Variants in MUC17 observed in about 807,000 individuals in gnomAD.
MUC17 encodes mucin-17.
MUC17 carries 190 observed loss-of-function variants against 170.3 expected under a neutral mutation model. That is an observed-to-expected ratio of 1.12 (90% confidence interval 0.99 to 1.26). The LOEUF (loss-of-function observed/expected upper bound fraction) is 1.26. Ranked by LOEUF, MUC17 falls within the 50% of genes most tolerant of loss-of-function variation. The probability of loss-of-function intolerance (pLI) is 0.00; values close to 1 mark genes in which losing one functional copy is unlikely to be tolerated. For missense variants in MUC17, 6,415 were observed against 5,530.0 expected, an observed-to-expected ratio of 1.16 and a Z score of -5.08; for synonymous variants, 2,325 against 2,002.5, an observed-to-expected ratio of 1.16 and a Z score of -4.30.
In MUC17 at chr7:101,041,846, C is replaced by T; in HGVS notation, c.10430C>T (p.Thr3477Ile). The T allele has an allele frequency of 6.2e-7, 1 of 1,614,060 alleles. No homozygotes were observed. The highest frequency in any genetic ancestry group is 8.5e-7 in the Non-Finnish European group (1 of 1,179,974). The change falls in exon 3 of 13, where the codon ACC becomes ATC. Residue 3477 changes from threonine (T) to isoleucine (I), a missense_variant. Coordinates refer to ENST00000306151, the MANE Select transcript of MUC17 (RefSeq NM_001040105.2). ...CCGGTGGCCAGTTCTGAGGCTAGCA[C>T]CCTTTCAACAACTCCTGTTGACACC... ...TTPVASSEASTLSTTPVDTST... is the reference protein window; with the variant it reads ...TTPVASSEASILSTTPVDTST...
Position 101,045,578 on chromosome 7 carries a change from A to G in MUC17, c.12403+1759A>G, listed in dbSNP as rs551338528. ...CAGCTAATTTTTGTATTTTTAGTAG[A>G]GACAGGGTTTCACCATGTTGGCCAG... On this transcript the variant is annotated intron_variant, in intron 3 of 12. Coordinates refer to ENST00000306151, the MANE Select transcript of MUC17 (RefSeq NM_001040105.2). Among the ~76,000 whole-genome samples the G allele has an allele frequency of 3.3e-5, 5 of 152,124 alleles. No homozygotes were observed. The East Asian group carries it at 7.7e-4, about 23-fold the overall frequency.
At position 101,036,154 on chromosome 7, in the gene MUC17, G is replaced by C; in HGVS notation, c.4738G>C (p.Val1580Leu). Reference sequence around the variant, plus strand: ...AAGCACTCCACTAACAAGTTTGCCTGTCAGCACCATGCTGGTGGTCAGTTC... The same window carrying C: ...AAGCACTCCACTAACAAGTTTGCCTCTCAGCACCATGCTGGTGGTCAGTTC... ...EGSTPLTSLP[V>L]STMLVVSSEA... is the part of the protein sequence containing the mutation. The change falls in exon 3 of 13, where the codon GTC becomes CTC. Residue 1580 changes from valine to leucine, a missense_variant. Val to Leu is a conservative substitution (Grantham distance 32). Transcript: ENST00000306151. 1 of 1,613,990 alleles carries C rather than the reference G, an allele frequency of 6.2e-7. No individual in the cohort carries two copies. Among genetic ancestry groups the C allele is most frequent in the East Asian group, 2.2e-5 (1 of 44,862 alleles).
At chr7:101,046,049 G>A (rs533270523) in intron 3 of MUC17, among the ~76,000 whole-genome samples, 8 of 152,320 alleles carry the variant, frequency 5.3e-5, no homozygotes, top group African/African-American at 1.2e-4. Context: ...AGGTCTGGAC[G>A]TCTTCAGTAG....
At chr7:101,025,365 G>GAAAA (rs796440861) in intron 1 of MUC17, among the ~76,000 whole-genome samples, 1 of 121,852 alleles carries the variant, frequency 8.2e-6, no homozygotes, top group Non-Finnish European at 1.8e-5. Context: ...TCCGTCTTAA[G>GAAAA]AAAAAAAAAA....
chr7:101,052,856 C>G (rs1204136566), intron 9 of MUC17, 130 bp from the exon 10 acceptor site: 2 of 1,126,144 alleles, frequency 1.8e-6, no homozygotes, highest in South Asian at 3.2e-5. Context: ...CTCGGGGTGC[C>G]TTGCTTTATG....
At position 101,041,768 on chromosome 7, in the gene MUC17, C is replaced by G. The variant is rs200148376; in HGVS notation, c.10352C>G (p.Ser3451Ter). 6.2e-6 allele frequency: 10 copies of G among 1,613,928 alleles called. No homozygotes were observed. The highest frequency in any genetic ancestry group is 3.3e-4 in the Middle Eastern group (2 of 6,062). ...TIAEGTSLPTSTTSEGSTPLS... is the reference protein window; with the variant it reads ...TIAEGTSLPT ...GCTGAAGGTACCAGCTTGCCAACCT[C>G]AACTACTAGTGAAGGAAGCACTCCA... is the stretch of plus-strand genomic sequence containing the variant. The change falls in exon 3 of 13, where the codon TCA becomes TGA. Residue 3451 changes from serine (S) to a stop codon, truncating the protein, a stop_gained. Coordinates refer to ENST00000306151, the MANE Select transcript of MUC17 (RefSeq NM_001040105.2). LOFTEE classifies it high-confidence loss of function.
chr7:101,040,583 C>A lies in MUC17; in HGVS notation c.9167C>A (p.Thr3056Lys). The change falls in exon 3 of 13, where the codon ACG becomes AAG. Residue 3056 changes from threonine (T) to lysine (K), a missense_variant. Thr to Lys is a moderately conservative substitution (Grantham distance 78). Coordinates refer to ENST00000306151, the MANE Select transcript of MUC17 (RefSeq NM_001040105.2). ...TPLTSIPVST[T>K]PVAIPEASTL... ...TTAACAAGTATACCTGTCAGCACCA[C>A]GCCAGTGGCCATTCCTGAGGCTAGC... 1 of 1,609,192 alleles carries A rather than the reference C, an allele frequency of 6.2e-7. No homozygotes were observed.
At chr7:101,048,244 T>A in intron 4 of MUC17, 129 bp downstream of exon 4, 1 of 816,100 alleles carries the variant, frequency 1.2e-6, no homozygotes, top group South Asian at 3.4e-5. Context: ...TGTTTTTTGT[T>A]TTGTTTTGTT....
At position 101,032,730 on chromosome 7, in the gene MUC17, A is replaced by C; in HGVS notation, c.1314A>C (p.Glu438Asp). The change falls in exon 3 of 13, where the codon GAA becomes GAC. Residue 438 changes from glutamate (E) to aspartate (D), a missense_variant. By Grantham distance (45) the Glu-to-Asp change is conservative. Coordinates refer to ENST00000306151, the MANE Select transcript of MUC17 (RefSeq NM_001040105.2). Reference protein sequence around the residue: ...SEASSSPTTAEDTSIATSTPS... With the variant: ...SEASSSPTTADDTSIATSTPS... ...CCAGCTCATCTCCCACAACTGCTGA[A>C]GATACCAGCATTGCAACCTCAACTC... 1.6e-5 allele frequency: 26 copies of C among 1,578,732 alleles called. No individual in the cohort carries two copies. The highest frequency in any genetic ancestry group is 2.2e-5 in the Non-Finnish European group (26 of 1,155,596).
chr7:101,040,853 C>A lies in MUC17; in HGVS notation c.9437C>A (p.Pro3146His). 2 of 1,613,438 alleles carry A rather than the reference C, an allele frequency of 1.2e-6. No homozygotes were observed. Among genetic ancestry groups the A allele is most frequent in the Non-Finnish European group, 1.7e-6 (2 of 1,179,798 alleles). ...VTTSTEAHSS[P>H]TTSEGTSMPT... ...ACTTCTACTGAAGCCCATTCATCTC[C>A]TACAACTTCTGAAGGTACCAGCATG... Residue 3146 changes from proline to histidine, a missense_variant, in exon 3 of 13, where the codon CCT becomes CAT. By Grantham distance (77) the Pro-to-His change is moderately conservative (BLOSUM62 -2). Transcript: ENST00000306151.
chr7:101,036,639 C>T lies in MUC17; in HGVS notation c.5223C>T (p.Asn1741=), dbSNP rs138467948. ...CTTCTGAAGGTACCAGCATGCCAAA[C>T]TCAACTCCTAGTGAAGGAACCACTC... ...PTTSEGTSMP[N]STPSEGTTPL... Residue 1741 remains asparagine, a synonymous_variant, in exon 3 of 13, where the codon AAC becomes AAT. Coordinates refer to ENST00000306151, the MANE Select transcript of MUC17 (RefSeq NM_001040105.2). 2.2e-5 allele frequency: 35 copies of T among 1,613,208 alleles called. No homozygotes were observed. The African/African-American group carries it at 3.2e-4, about 15-fold the overall frequency.
Position 101,058,134 on chromosome 7 carries a change from C to A in MUC17, c.*90C>A, listed in dbSNP as rs528041558. ...TCCCATTGAGAGCCTTCCATGGGAA[C>A]TCAATGTTCCCATTGTAAGTACAGG... On this transcript the variant is annotated 3_prime_UTR_variant, in exon 13 of 13. Transcript: ENST00000306151. 9.5e-6 allele frequency: 11 copies of A among 1,158,254 alleles called. No individual in the cohort carries two copies. The highest frequency in any genetic ancestry group is 9.1e-5 in the African/African-American group (6 of 65,616). 71.7% of individuals were successfully genotyped at this position (1,158,254 alleles called of 1,614,324 possible).
intron 1 of MUC17, among the ~76,000 whole-genome samples, chr7:101,021,685 T>C (rs968858239): frequency 6.6e-6 from 1 of 152,180 alleles, no homozygotes; most frequent in Non-Finnish European, 1.5e-5. Context: ...TCAGACCCTG[T>C]TCCTACTCTC....
At chr7:101,046,247 C>A (rs980221280) in intron 3 of MUC17, among the ~76,000 whole-genome samples, 1 of 152,090 alleles carries the variant, frequency 6.6e-6, no homozygotes, top group Non-Finnish European at 1.5e-5. Flanking sequence ...TAGGGTAAAC[C>A]GGAAGGCAGA....
chr7:101,028,364 C>T (rs1475828403), intron 1 of MUC17, among the ~76,000 whole-genome samples: 4 of 151,978 alleles, frequency 2.6e-5, no homozygotes, highest in Non-Finnish European at 4.4e-5. Context: ...GCTGGGATTA[C>T]AGGCATAAGC....
In MUC17 at chr7:101,039,391, G is replaced by A. The variant is rs754855880; in HGVS notation, c.7975G>A (p.Asp2659Asn). The change falls in exon 3 of 13, where the codon GAC becomes AAC. Residue 2659 changes from aspartate (D) to asparagine (N), a missense_variant. Coordinates refer to ENST00000306151, the MANE Select transcript of MUC17 (RefSeq NM_001040105.2). ...TAGCACCCTTTCAACAACTCCTGTT[G>A]ACACCAGGACACTTGTGACCACTTC... The part of the protein sequence containing the change: ...EASTLSTTPV[D>N]TRTLVTTSTG... 1.2e-6 allele frequency: 2 copies of A among 1,612,136 alleles called. No individual in the cohort carries two copies. The highest frequency in any genetic ancestry group is 8.5e-7 in the Non-Finnish European group (1 of 1,179,224).
intron 1 of MUC17, among the ~76,000 whole-genome samples, chr7:101,023,998 T>C (rs1191976702): frequency 1.3e-5 from 2 of 152,252 alleles, no homozygotes; most frequent in Non-Finnish European, 2.9e-5. Flanking sequence ...ATGTTGAGCA[T>C]TTTTTCATAT....
In MUC17 at chr7:101,041,933, G is replaced by A; in HGVS notation, c.10517G>A (p.Ser3506Asn). 1 of 1,607,610 alleles carries A rather than the reference G, an allele frequency of 6.2e-7. No individual in the cohort carries two copies. Among genetic ancestry groups the A allele is most frequent in the Non-Finnish European group, 8.5e-7 (1 of 1,178,206 alleles). Residue 3506 changes from serine to asparagine, a missense_variant, in exon 3 of 13, where the codon AGC becomes AAC. By Grantham distance (46) the Ser-to-Asn change is conservative. Transcript: ENST00000306151. Reference sequence around the variant, plus strand: ...TCTCCTACAACTGCTGAAGTTACCAGCATGCCAACATCAACTGCTGGTGAA... The same window carrying A: ...TCTCCTACAACTGCTGAAGTTACCAACATGCCAACATCAACTGCTGGTGAA... ...NSSPTTAEVT[S>N]MPTSTAGEGS...
In MUC17 at chr7:101,037,705, C is replaced by T; in HGVS notation, c.6289C>T (p.Pro2097Ser). 1 of 1,612,456 alleles carries T rather than the reference C, an allele frequency of 6.2e-7. No homozygotes were observed. Among genetic ancestry groups the T allele is most frequent in the Non-Finnish European group, 8.5e-7 (1 of 1,179,628 alleles). The change falls in exon 3 of 13, where the codon CCT (proline) becomes TCT (serine). Residue 2097 changes from proline to serine, a missense_variant. Coordinates refer to ENST00000306151, the MANE Select transcript of MUC17 (RefSeq NM_001040105.2). ...AEGSSMTISA[P>S]SEGSPLLTSI... Reference sequence around the variant, plus strand: ...AGGTAGCAGCATGACAATCTCAGCTCCTAGTGAAGGAAGTCCTCTACTAAC... The same window carrying T: ...AGGTAGCAGCATGACAATCTCAGCTTCTAGTGAAGGAAGTCCTCTACTAAC...
Sources: allele counts gnomAD v4.1 joint callset (sites outside exome capture counted in the v4.1 genomes callset), GRCh38; gene constraint gnomAD v4.1.1; transcripts MANE v1.5; gene names NCBI Gene and HGNC (gene_info 2026-07-23, HGNC 2026-07-21).